PAQR5: variants seen among roughly 807,000 people sequenced by gnomAD.
PAQR5 encodes progestin and adipoQ receptor family member 5.
In PAQR5, 20 loss-of-function variants were observed where a neutral mutation model predicts 34.5. That is an observed-to-expected ratio of 0.58 (90% CI 0.41 to 0.84). PAQR5 has a LOEUF of 0.84. PAQR5 is among the 40% of genes least tolerant of loss of function. The pLI is 0.00. For missense variants in PAQR5, 378 were observed against 412.7 expected (o/e 0.92, Z 0.73); for synonymous variants, 131 against 155.6 (o/e 0.84, Z 1.18).
At chr15:69,370,496 C>T (rs1021683205) in intron 3 of PAQR5, among the ~76,000 whole-genome samples, 2 of 152,066 alleles carry the variant, frequency 1.3e-5, no homozygotes, top group Non-Finnish European at 2.9e-5. Context: ...CTTAACAAAT[C>T]CCCCTTTATT....
intron 2 of PAQR5, among the ~76,000 whole-genome samples, chr15:69,349,105 A>C (rs1595882199): frequency 6.6e-6 from 1 of 152,000 alleles, no homozygotes; most frequent in Non-Finnish European, 1.5e-5. Flanking sequence ...GAGTCGGTGG[A>C]CTGCGCGGGG....
At chr15:69,331,021 G>A (rs1401771812) in intron 1 of PAQR5, among the ~76,000 whole-genome samples, 1 of 152,174 alleles carries the variant, frequency 6.6e-6, no homozygotes, top group Non-Finnish European at 1.5e-5. Flanking sequence ...CTGTACTGGT[G>A]GGGCACTGCC....
chr15:69,392,013 T>C (rs1422897878), intron 6 of PAQR5: 4 of 377,704 alleles, frequency 1.1e-5, no homozygotes, highest in Admixed American at 9.9e-5. Context: ...GCTGAGAGCA[T>C]GCCACTGTAC....
At chr15:69,362,823 C>T (rs2055274372) in intron 3 of PAQR5, among the ~76,000 whole-genome samples, 1 of 152,136 alleles carries the variant, frequency 6.6e-6, no homozygotes, top group South Asian at 2.1e-4. Flanking sequence ...GACTCGAACC[C>T]CGGCTCCCTC....
intron 2 of PAQR5, among the ~76,000 whole-genome samples, chr15:69,357,631 A>G (rs932631975): frequency 3.9e-5 from 6 of 152,172 alleles, no homozygotes. Flanking sequence ...TCATCCTTTA[A>G]TGAACACTTC....
chr15:69,355,344 T>A, intron 2 of PAQR5, among the ~76,000 whole-genome samples: 1 of 56,218 alleles, frequency 1.8e-5, no homozygotes, highest in East Asian at 4.7e-4. Context: ...TTCTTTCTTT[T>A]TTTCTTTCTT....
At chr15:69,319,049 G>A (rs2054019972) in intron 1 of PAQR5, among the ~76,000 whole-genome samples, 1 of 150,928 alleles carries the variant, frequency 6.6e-6, no homozygotes, top group Non-Finnish European at 1.5e-5. Flanking sequence ...CATGAGAAAA[G>A]CTTGAACCCA....
In PAQR5 at chr15:69,387,983, G is replaced by C. The variant is rs139649798; in HGVS notation, c.386-1671G>C. Reference sequence around the variant, plus strand: ...ACCTCCATTGCTGAGAACAACTCCGGAGCACAGAAGATGCTTCCAATCTGT... The same window carrying C: ...ACCTCCATTGCTGAGAACAACTCCGCAGCACAGAAGATGCTTCCAATCTGT... On this transcript the variant is annotated intron_variant, in intron 5 of 8. Transcript: ENST00000395407. Among the ~76,000 whole-genome samples, 90 of 152,278 alleles carry C rather than the reference G, an allele frequency of 5.9e-4. 1 individual carries two copies. The highest frequency in any genetic ancestry group is 5.2e-3 in the East Asian group (27 of 5,164).
At chr15:69,364,556 A>ATATATGTTATATATAT (rs1567022348) in intron 3 of PAQR5, among the ~76,000 whole-genome samples, 3 of 131,546 alleles carry the variant, frequency 2.3e-5, no homozygotes, top group African/African-American at 9.7e-5. Flanking sequence ...ATATATATAT[A>ATATATGTTATATATAT]ACGAGTTGTG....
chr15:69,322,176 A>AAAC (rs1383513016), intron 1 of PAQR5, among the ~76,000 whole-genome samples: 1 of 141,712 alleles, frequency 7.1e-6, no homozygotes, highest in Non-Finnish European at 1.5e-5. Context: ...AAAAAAAAAA[A>AAAC]AAAATTAAAA....
chr15:69,334,218 T>C (rs546898515), intron 1 of PAQR5, among the ~76,000 whole-genome samples: 1 of 152,162 alleles, frequency 6.6e-6, no homozygotes, highest in South Asian at 2.1e-4. Context: ...TTAGTAGAGA[T>C]GGGGTTTCAC....
In PAQR5 at chr15:69,388,989, C is replaced by A. The variant is rs553749849; in HGVS notation, c.386-665C>A. On this transcript the variant is annotated intron_variant, in intron 5 of 8. Transcript: ENST00000395407. ...CCCCTGCTCTTCCAAATAAATGCTT[C>A]AGCAAAAAGGTCGCTAGAAGGTCCT... 6.2e-4 allele frequency among the ~76,000 whole-genome samples: 94 copies of A among 152,352 alleles called. 1 individual carries two copies. The South Asian group carries it at 0.019, about 31-fold the overall frequency.
chr15:69,370,135 A>G (rs2055518124), intron 3 of PAQR5, among the ~76,000 whole-genome samples: 1 of 152,256 alleles, frequency 6.6e-6, no homozygotes, highest in African/African-American at 2.4e-5. Flanking sequence ...CCATTCTTCC[A>G]TGACAGCATT....
At chr15:69,393,823 T>C (rs2140972514) in intron 6 of PAQR5, among the ~76,000 whole-genome samples, 1 of 152,340 alleles carries the variant, frequency 6.6e-6, no homozygotes, top group East Asian at 1.9e-4. Flanking sequence ...AGCTTTGTCG[T>C]CCCCTGAGTG....
At chr15:69,396,314 G>A (rs903402707) in intron 6 of PAQR5, among the ~76,000 whole-genome samples, 7 of 151,724 alleles carry the variant, frequency 4.6e-5, no homozygotes, top group East Asian at 3.9e-4. Flanking sequence ...GACTGGGACC[G>A]AGGTTCTTGG....
Position 69,370,274 on chromosome 15 carries a change from G to A in PAQR5, c.52-9609G>A, listed in dbSNP as rs147902282. 2.9e-4 allele frequency among the ~76,000 whole-genome samples: 44 copies of A among 152,244 alleles called. 1 individual carries two copies. Among genetic ancestry groups the A allele is most frequent in the African/African-American group, 7.2e-4 (30 of 41,532 alleles). ...TATTTATTATGGCCTTGGGAACTTC[G>A]TCTCACTGAGCTGCAGTTTTCTTAT... On this transcript the variant is annotated intron_variant, in intron 3 of 8. Coordinates refer to ENST00000395407, the MANE Select transcript of PAQR5 (RefSeq NM_017705.4).
At chr15:69,389,838 T>C in intron 6 of PAQR5, 58 bp downstream of exon 6, 1 of 1,593,638 alleles carries the variant, frequency 6.3e-7, no homozygotes, top group Non-Finnish European at 8.6e-7. Flanking sequence ...TGCAGCTCCC[T>C]GCACTCTTTG....
In PAQR5 at chr15:69,316,253, G is replaced by A. The variant is rs556279052; in HGVS notation, c.-277+17197G>A. 2.6e-5 allele frequency among the ~76,000 whole-genome samples: 4 copies of A among 152,202 alleles called. No homozygotes were observed. The South Asian group carries it at 6.2e-4, about 24-fold the overall frequency. ...GCTCCACCACACCCGGCTAGTTTTT[G>A]TATTTTCAGTAGAGCCGGGGTTTTG... is the stretch of plus-strand genomic sequence containing the variant. On this transcript the variant is annotated intron_variant, in intron 1 of 8. Transcript: ENST00000395407.
intron 2 of PAQR5, among the ~76,000 whole-genome samples, chr15:69,337,890 C>A (rs1166226431): frequency 6.6e-6 from 1 of 152,066 alleles, no homozygotes; most frequent in African/African-American, 2.4e-5. Flanking sequence ...GCCTGGACAA[C>A]ATGGTGAAAC....
Sources: gnomAD v4.1 joint callset for allele counts (sites outside exome capture counted in the v4.1 genomes callset) on GRCh38, gnomAD v4.1.1 for gene constraint, MANE v1.5 for transcripts, NCBI Gene and HGNC (gene_info 2026-07-23, HGNC 2026-07-21) for gene names.